Variants in SYT1 observed in about 807,000 individuals in gnomAD.
The protein encoded by SYT1 is synaptotagmin 1, also known as synaptotagmin-1.
Under a neutral mutation model 44.8 loss-of-function variants are expected in SYT1, and 8 were observed. The observed-to-expected ratio is 0.18, with a 90% CI of 0.10 to 0.32. The LOEUF is 0.32. SYT1 is among the 10% of genes least tolerant of loss of function. The pLI, the probability that SYT1 is intolerant of heterozygous loss-of-function variation, is 1.00. For synonymous variants in SYT1, 154 were observed against 188.8 expected (o/e 0.82, Z 1.51); for missense variants, 286 against 509.3 (o/e 0.56, Z 4.22).
At position 79,209,834 on chromosome 12, in the gene SYT1, C is replaced by T. The variant is rs55866233; in HGVS notation, c.-17-7669C>T. Among the ~76,000 whole-genome samples, 552 of 152,336 alleles carry T rather than the reference C, an allele frequency of 3.6e-3. 6 individuals are homozygous for T. The highest frequency in any genetic ancestry group is 6.4e-3 in the Non-Finnish European group (434 of 68,020). The stretch of plus-strand genomic sequence containing the variant: ...TAAAATCACTACATTCTGCCCTCCA[C>T]CTCAAAATATACTCTAACACCTTCC... On this transcript the variant is annotated intron_variant, in intron 3 of 10. Transcript: ENST00000261205.
chr12:79,402,263 G>A (rs2136116387), intron 9 of SYT1, among the ~76,000 whole-genome samples: 1 of 152,274 alleles, frequency 6.6e-6, no homozygotes, highest in East Asian at 1.9e-4. Context: ...TGGAAGTGCA[G>A]GCTACTTTCT....
rs182421582 is a variant in SYT1, at chr12:79,032,931, G to T, written c.-83-14366G>T. ...CTTGCTATAGTATATAACTCCAAAA[G>T]AATTTGAATTTCAAATTGAACTTCA... On this transcript the variant is annotated intron_variant, in intron 2 of 10. Transcript: ENST00000261205. Among the ~76,000 whole-genome samples, 536 of 151,288 alleles carry T rather than the reference G, an allele frequency of 3.5e-3. 2 individuals carry two copies. Among genetic ancestry groups the T allele is most frequent in the Non-Finnish European group, 5.6e-3 (380 of 67,430 alleles).
intron 1 of SYT1, among the ~76,000 whole-genome samples, chr12:78,942,946 T>C (rs1464797631): frequency 6.6e-6 from 1 of 152,194 alleles, no homozygotes; most frequent in Non-Finnish European, 1.5e-5. Context: ...TTGAGTTCTG[T>C]ATGTGTTCTA....
At chr12:79,418,454 ATG>A (rs1250506054) in intron 9 of SYT1, among the ~76,000 whole-genome samples, 1 of 152,142 alleles carries the variant, frequency 6.6e-6, no homozygotes, top group Non-Finnish European at 1.5e-5. Flanking sequence ...TTTAACCAAC[ATG>A]TAAGTCAAGA....
At chr12:79,323,566 A>T (rs1041066763) in intron 8 of SYT1, among the ~76,000 whole-genome samples, 1 of 152,232 alleles carries the variant, frequency 6.6e-6, no homozygotes, top group Non-Finnish European at 1.5e-5. Context: ...ATTATAAAGA[A>T]TTATGGCAAA....
At chr12:79,279,588 C>T (rs1440470825) in intron 4 of SYT1, among the ~76,000 whole-genome samples, 1 of 151,942 alleles carries the variant, frequency 6.6e-6, no homozygotes, top group East Asian at 1.9e-4. Flanking sequence ...CCCCTAAGAA[C>T]CAGAACAAGA....
rs183136999 is a variant in SYT1, at chr12:78,884,994, A to C, written c.-217+19885A>C. On this transcript the variant is annotated intron_variant, in intron 1 of 10. Transcript: ENST00000261205. Reference sequence around the variant, plus strand: ...ACCTCTGTGAACTATTATAATGCTTATTTTGGAAATAAGAAAATTGAGGCA... The same window carrying C: ...ACCTCTGTGAACTATTATAATGCTTCTTTTGGAAATAAGAAAATTGAGGCA... Among the ~76,000 whole-genome samples the C allele has an allele frequency of 5.2e-3, 787 of 151,946 alleles. 10 individuals carry two copies. The highest frequency in any genetic ancestry group is 0.018 in the African/African-American group (730 of 41,490).
chr12:79,267,519 G>GA lies in SYT1; in HGVS notation c.167-18260dup, dbSNP rs201044625. ...AAGAAAGTTAGCTTCCTTGACAAAA[G>GA]AAAAAAAAGACTAAGAGGTTATGTG... is the stretch of plus-strand genomic sequence containing the variant. On this transcript the variant is annotated intron_variant, in intron 4 of 10. Coordinates refer to ENST00000261205, the MANE Select transcript of SYT1 (RefSeq NM_005639.3). 8.0e-3 allele frequency among the ~76,000 whole-genome samples: 1,211 copies of GA among 151,520 alleles called. 12 individuals are homozygous for GA. Among genetic ancestry groups the GA allele is most frequent in the African/African-American group, 0.026 (1,084 of 41,378 alleles).
intron 3 of SYT1, among the ~76,000 whole-genome samples, chr12:79,092,795 T>G (rs1877868321): frequency 6.6e-6 from 1 of 151,742 alleles, no homozygotes. Context: ...TATAACTGAC[T>G]GCAAGATGCT....
intron 8 of SYT1, among the ~76,000 whole-genome samples, chr12:79,329,658 C>T (rs76459438): frequency 4.5e-4 from 69 of 152,214 alleles, no homozygotes; most frequent in Non-Finnish European, 8.1e-4. Flanking sequence ...AGGAAACAAG[C>T]TTAGAGAAAT....
chr12:79,408,843 G>C (rs1252830148), intron 9 of SYT1, among the ~76,000 whole-genome samples: 2 of 150,798 alleles, frequency 1.3e-5, no homozygotes, highest in African/African-American at 2.4e-5. Context: ...CTTTGTAATA[G>C]CTCTAAATTC....
intron 9 of SYT1, among the ~76,000 whole-genome samples, chr12:79,410,506 C>CAAAGA (rs1868371537): frequency 1.3e-5 from 1 of 75,916 alleles, no homozygotes; most frequent in Non-Finnish European, 2.4e-5. Context: ...TGTTCAAAGT[C>CAAAGA]AAAAAAAAAA....
chr12:79,063,053 C>T (rs746999755), intron 3 of SYT1, among the ~76,000 whole-genome samples: 6 of 152,108 alleles, frequency 3.9e-5, no homozygotes, highest in Admixed American at 2.6e-4. Context: ...TTGCAGAGCA[C>T]GTCACGGTTT....
intron 4 of SYT1, among the ~76,000 whole-genome samples, chr12:79,270,642 C>T (rs545554894): frequency 6.6e-6 from 1 of 152,174 alleles, no homozygotes; most frequent in Non-Finnish European, 1.5e-5. Context: ...GGCAGAAATA[C>T]AAAAGACAAT....
chr12:79,113,907 C>A (rs1240153238), intron 3 of SYT1, among the ~76,000 whole-genome samples: 1 of 152,058 alleles, frequency 6.6e-6, no homozygotes, highest in Non-Finnish European at 1.5e-5. Context: ...AGAAAATTAT[C>A]TCTGATTATT....
At chr12:78,935,489 C>T (rs1312877251) in intron 1 of SYT1, among the ~76,000 whole-genome samples, 1 of 152,000 alleles carries the variant, frequency 6.6e-6, no homozygotes, top group African/African-American at 2.4e-5. Context: ...TAGAACAGAA[C>T]AGAAGTAAGA....
chr12:79,069,513 A>T (rs1196544396), intron 3 of SYT1, among the ~76,000 whole-genome samples: 1 of 151,734 alleles, frequency 6.6e-6, no homozygotes, highest in Non-Finnish European at 1.5e-5. Context: ...TGAGACTCTA[A>T]GTGATTTTTC....
intron 3 of SYT1, among the ~76,000 whole-genome samples, chr12:79,206,340 T>C (rs767980216): frequency 1.3e-5 from 2 of 152,184 alleles, no homozygotes; most frequent in Non-Finnish European, 2.9e-5. Context: ...ATTAAAAGGT[T>C]TCAGACGACA....
chr12:79,124,339 A>G (rs1314650655), intron 3 of SYT1, among the ~76,000 whole-genome samples: 2 of 149,264 alleles, frequency 1.3e-5, no homozygotes, highest in African/African-American at 2.5e-5. Context: ...CTTGGAGACA[A>G]TACCACCAAA....
Sources: gnomAD v4.1 joint callset for allele counts (sites outside exome capture counted in the v4.1 genomes callset) on GRCh38, gnomAD v4.1.1 for gene constraint, MANE v1.5 for transcripts, NCBI Gene and HGNC (gene_info 2026-07-23, HGNC 2026-07-21) for gene names.